The following CCDC171 variants were observed in gnomAD, a reference collection of about 807,000 sequenced individuals.
CCDC171 encodes coiled-coil domain containing 171.
A neutral mutation model predicts 168.2 loss-of-function variants in CCDC171; 177 were observed. That is an observed-to-expected ratio of 1.05 (90% CI 0.93 to 1.19). The LOEUF (loss-of-function observed/expected upper bound fraction) is 1.19, where lower values mean the gene tolerates loss of function less well. CCDC171 is among the 50% of genes most tolerant of loss of function. The probability of loss-of-function intolerance (pLI) is 0.00; values close to 1 mark genes in which losing one functional copy is unlikely to be tolerated. For missense variants in CCDC171, 1,991 were observed against 1,539.0 expected, an observed-to-expected ratio of 1.29 and a Z score of -4.91; for synonymous variants, 687 against 540.8, an observed-to-expected ratio of 1.27 and a Z score of -3.75.
At chr9:15,561,383 A>T (rs528946255) in intron 1 of CCDC171, among the ~76,000 whole-genome samples, 1 of 152,326 alleles carries the variant, frequency 6.6e-6, no homozygotes, top group South Asian at 2.1e-4. Context: ...ACAAATATTG[A>T]AGAAGAGAAA....
intron 11 of CCDC171, among the ~76,000 whole-genome samples, chr9:15,701,323 G>C (rs1255630561): frequency 6.6e-6 from 1 of 152,112 alleles, no homozygotes. Context: ...GCCTAGATCA[G>C]TGTCCTGAAG....
intron 18 of CCDC171, among the ~76,000 whole-genome samples, chr9:15,773,030 T>A (rs554292257): frequency 9.3e-4 from 141 of 150,870 alleles, no homozygotes; most frequent in African/African-American, 3.3e-3. Context: ...AGTAATTATT[T>A]TTGCTACTAT....
chr9:15,619,215 C>T (rs957874223), intron 6 of CCDC171, among the ~76,000 whole-genome samples: 14 of 152,116 alleles, frequency 9.2e-5, no homozygotes, highest in South Asian at 4.2e-4. Context: ...AAGGCTCACA[C>T]CTGTTTCATT....
the CCDC171 span, among the ~76,000 whole-genome samples, chr9:16,104,518 T>A: frequency 6.6e-6 from 1 of 152,112 alleles, no homozygotes; most frequent in Non-Finnish European, 1.5e-5. Context: ...CTTCACCTAT[T>A]GACTGAGCTG....
intron 2 of CCDC171, among the ~76,000 whole-genome samples, chr9:15,568,881 G>A (rs867295788): frequency 6.6e-6 from 1 of 151,910 alleles, no homozygotes; most frequent in Non-Finnish European, 1.5e-5. Context: ...CTTTTGCCAC[G>A]AAGAAGCTCT....
At chr9:16,064,988 T>G (rs554884396), downstream of CCDC171, among the ~76,000 whole-genome samples, 4 of 152,326 alleles carry the variant, frequency 2.6e-5, no homozygotes, top group Non-Finnish European at 2.9e-5. Context: ...GAGGCATCCC[T>G]TAAGTGCATT....
intron 1 of CCDC171, among the ~76,000 whole-genome samples, chr9:15,557,944 T>A (rs1414640031): frequency 6.6e-6 from 1 of 152,146 alleles, no homozygotes; most frequent in Non-Finnish European, 1.5e-5. Flanking sequence ...GTTTTTAGCA[T>A]GAAGTGTTGT....
chr9:15,700,911 T>G (rs938982084), intron 11 of CCDC171, among the ~76,000 whole-genome samples: 1 of 152,048 alleles, frequency 6.6e-6, no homozygotes, highest in Non-Finnish European at 1.5e-5. Context: ...TTTTTTTTTT[T>G]GTCTTTTTGC....
intron 25 of CCDC171, among the ~76,000 whole-genome samples, chr9:15,954,558 T>C (rs1358456131): frequency 6.6e-6 from 1 of 152,168 alleles, no homozygotes; most frequent in East Asian, 1.9e-4. Flanking sequence ...TATGTTGCTC[T>C]GCTTATTGTT....
At chr9:15,632,791 C>G (rs1226826486) in intron 7 of CCDC171, among the ~76,000 whole-genome samples, 1 of 152,146 alleles carries the variant, frequency 6.6e-6, no homozygotes, top group Non-Finnish European at 1.5e-5. Flanking sequence ...GCTACAGTAA[C>G]CAAAACAGTA....
At chr9:15,698,348 C>A (rs561516060) in intron 11 of CCDC171, among the ~76,000 whole-genome samples, 1 of 152,056 alleles carries the variant, frequency 6.6e-6, no homozygotes, top group East Asian at 1.9e-4. Flanking sequence ...GGTGAAACAC[C>A]GTCTCTACTA....
chr9:16,063,301 T>C (rs1833956516), downstream of CCDC171, among the ~76,000 whole-genome samples: 1 of 152,118 alleles, frequency 6.6e-6, no homozygotes, highest in Non-Finnish European at 1.5e-5. Context: ...GGAACATCAC[T>C]ACCTGGCGGG....
chr9:16,063,031 C>T (rs551554348), downstream of CCDC171, among the ~76,000 whole-genome samples: 1 of 152,200 alleles, frequency 6.6e-6, no homozygotes, highest in Non-Finnish European at 1.5e-5. Context: ...TTGCATCACC[C>T]CCGTGTTACC....
At chr9:15,813,684 A>G (rs959390928) in intron 21 of CCDC171, among the ~76,000 whole-genome samples, 1 of 152,028 alleles carries the variant, frequency 6.6e-6, no homozygotes, top group African/African-American at 2.4e-5. Flanking sequence ...GTTCCAGAAC[A>G]TGGGCTAGAG....
At chr9:15,941,982 C>G (rs775455386) in intron 25 of CCDC171, among the ~76,000 whole-genome samples, 3 of 151,860 alleles carry the variant, frequency 2.0e-5, no homozygotes, top group Non-Finnish European at 4.4e-5. Flanking sequence ...ATACCATGCT[C>G]TCCCCCATGA....
At chr9:15,874,491 C>T (rs1442730135) in intron 23 of CCDC171, 41 bp from the exon 24 acceptor site, 1 of 1,550,468 alleles carries the variant, frequency 6.4e-7, no homozygotes, top group Admixed American at 1.8e-5. Context: ...GTTAATGTGT[C>T]TGAAGGGGAA....
chr9:15,949,617 G>A (rs1243282580), intron 25 of CCDC171, among the ~76,000 whole-genome samples: 3 of 152,124 alleles, frequency 2.0e-5, no homozygotes, highest in South Asian at 2.1e-4. Flanking sequence ...GTCTGTTATT[G>A]GTGTATAAGA....
At chr9:16,040,394 T>C (rs957032507), upstream of CCDC171, among the ~76,000 whole-genome samples, 56 of 152,330 alleles carry the variant, frequency 3.7e-4, no homozygotes, top group African/African-American at 1.3e-3. Flanking sequence ...AAGGGATTAA[T>C]GAGCCCTCAG....
intron 14 of CCDC171, 36 bp downstream of exon 14, chr9:15,725,012 C>G (rs369815493): frequency 4.1e-6 from 6 of 1,469,972 alleles, no homozygotes; most frequent in Non-Finnish European, 1.9e-6. Flanking sequence ...CAGGAAGGGC[C>G]TTTCACTAAT....
Sources: allele counts gnomAD v4.1 joint callset (sites outside exome capture counted in the v4.1 genomes callset), GRCh38; gene constraint gnomAD v4.1.1; transcripts MANE v1.5; gene names NCBI Gene and HGNC (gene_info 2026-07-23, HGNC 2026-07-21).